MAGEA11: variants seen among roughly 807,000 people sequenced by gnomAD.
The protein encoded by MAGEA11 is melanoma-associated antigen 11.
MAGEA11 carries 1 observed loss-of-function variant against 8.4 expected under a neutral mutation model. That is an observed-to-expected ratio of 0.12 (90% confidence interval 0.04 to 0.57). The LOEUF is 0.57. Ranked by LOEUF, MAGEA11 falls within the 20% of genes least tolerant of loss-of-function variation. The pLI, the probability that MAGEA11 is intolerant of heterozygous loss-of-function variation, is 0.91. For synonymous variants in MAGEA11, 127 were observed against 119.3 expected (o/e 1.06, Z -0.42); for missense variants, 209 against 317.3 (o/e 0.66, Z 2.59).
At chrX:149,706,292 G>A (rs781935654) in intron 1 of MAGEA11, among the ~76,000 whole-genome samples, 1 of 112,139 alleles carries the variant, frequency 8.9e-6, no homozygotes, top group Non-Finnish European at 1.9e-5. Flanking sequence ...AGACCTCACA[G>A]TGGGTTTCAC....
intron 1 of MAGEA11, among the ~76,000 whole-genome samples, chrX:149,693,799 A>G (rs2090319901): frequency 8.9e-6 from 1 of 111,993 alleles, no homozygotes; most frequent in African/African-American, 3.2e-5. Context: ...GGAACTTCAT[A>G]ATAATGTAAT....
At chrX:149,709,925 A>G (rs1438921187), upstream of MAGEA11, among the ~76,000 whole-genome samples, 2 of 111,944 alleles carry the variant, frequency 1.8e-5, no homozygotes, top group African/African-American at 3.3e-5. Flanking sequence ...TATCATTGCT[A>G]TTTTTCAAAG....
chrX:149,697,640 C>T (rs1412486028), intron 1 of MAGEA11, among the ~76,000 whole-genome samples: 1 of 110,408 alleles, frequency 9.1e-6, no homozygotes, highest in African/African-American at 3.3e-5. Flanking sequence ...TTCAGGACTC[C>T]TGGCTGGCTT....
At chrX:149,690,529 C>T (rs187453489) in intron 1 of MAGEA11, among the ~76,000 whole-genome samples, 28 of 112,273 alleles carry the variant, frequency 2.5e-4, no homozygotes, top group Non-Finnish European at 5.3e-4. Flanking sequence ...TAAAAACCAA[C>T]GGTATACTTC....
In MAGEA11 at chrX:149,705,947, G is replaced by A. The variant is rs146322084; in HGVS notation, c.10-8534G>A. Reference sequence around the variant, plus strand: ...CCTAGAGTTAGCATTCTCCCCATCCGTCGTTTCTCTCCAACAAAGGGCACT... The same window carrying A: ...CCTAGAGTTAGCATTCTCCCCATCCATCGTTTCTCTCCAACAAAGGGCACT... On this transcript the variant is annotated intron_variant, in intron 1 of 3. Transcript: ENST00000333104. 8.6e-3 allele frequency among the ~76,000 whole-genome samples: 962 copies of A among 111,965 alleles called. 10 individuals are homozygous for A. Among genetic ancestry groups the A allele is most frequent in the African/African-American group, 0.022 (663 of 30,835 alleles).
At chrX:149,714,203 C>G in intron 2 of MAGEA11, 1 of 323,988 alleles carries the variant, frequency 3.1e-6, no homozygotes, top group Non-Finnish European at 5.4e-6. Flanking sequence ...GACCTCATCA[C>G]GGGTGGCCCC....
At chrX:149,701,508 T>C (rs1256416858) in intron 1 of MAGEA11, among the ~76,000 whole-genome samples, 3 of 108,700 alleles carry the variant, frequency 2.8e-5, no homozygotes, top group East Asian at 2.9e-4. Flanking sequence ...TTCTCCCATT[T>C]TGTAGGTTGC....
At chrX:149,695,570 A>G (rs782341078) in intron 1 of MAGEA11, among the ~76,000 whole-genome samples, 2 of 112,279 alleles carry the variant, frequency 1.8e-5, no homozygotes, top group East Asian at 2.8e-4. Flanking sequence ...ATGACAAACC[A>G]TTAAAAATGA....
Position 149,716,784 on chromosome X carries a change from A to T in MAGEA11, c.*8A>T. On this transcript the variant is annotated 3_prime_UTR_variant, in exon 5 of 5. Transcript: ENST00000355220. ...GAGGGAGAGGGAGTCTGAGCATGAG[A>T]TGCAACCAGGGCCAGCGGGCAGGGA... The T allele has an allele frequency of 8.5e-7, 1 of 1,182,190 alleles. No individual in the cohort carries two copies. The highest frequency in any genetic ancestry group is 1.1e-6 in the Non-Finnish European group (1 of 879,658).
At chrX:149,707,661 A>G (rs1380794065), upstream of MAGEA11, among the ~76,000 whole-genome samples, 7 of 112,195 alleles carry the variant, frequency 6.2e-5, no homozygotes, top group Admixed American at 5.7e-4. Context: ...GTATCCTCTA[A>G]TAAAAAACGA....
chrX:149,714,221 A>G lies in MAGEA11; in HGVS notation c.97-260A>G, dbSNP rs1444188305. On this transcript the variant is annotated intron_variant, in intron 2 of 4. Coordinates refer to ENST00000355220, the MANE Select transcript of MAGEA11 (RefSeq NM_005366.5). ...CTCATCACGGGTGGCCCCAAGTGGC[A>G]AGGTCACTTGTACCACAGGCAGAAA... 5 of 362,596 alleles carry G rather than the reference A, an allele frequency of 1.4e-5. No individual in the cohort carries two copies. The Admixed American group carries it at 2.3e-4, about 17-fold the overall frequency. The allele number at this position is 362,596 out of a possible 1,213,427, so 29.9% of individuals were successfully genotyped here.
At chrX:149,692,391 A>G (rs1242817482) in intron 1 of MAGEA11, among the ~76,000 whole-genome samples, 1 of 109,199 alleles carries the variant, frequency 9.2e-6, no homozygotes, top group Non-Finnish European at 1.9e-5. Context: ...TGGGCACCAG[A>G]GTGAGACCCT....
chrX:149,697,425 C>T (rs1472106639), intron 1 of MAGEA11, among the ~76,000 whole-genome samples: 2 of 111,137 alleles, frequency 1.8e-5, no homozygotes, highest in African/African-American at 3.3e-5. Context: ...CCCAGGCCAG[C>T]GGCAGCCCCA....
At chrX:149,694,743 C>T (rs1476238797) in intron 1 of MAGEA11, among the ~76,000 whole-genome samples, 1 of 109,243 alleles carries the variant, frequency 9.2e-6, no homozygotes, top group African/African-American at 3.3e-5. Flanking sequence ...TTTATTTCGA[C>T]AAAGTGTCAC....
chrX:149,691,247 T>TA (rs782741416), intron 1 of MAGEA11, among the ~76,000 whole-genome samples: 1 of 111,576 alleles, frequency 9.0e-6, no homozygotes, highest in South Asian at 3.8e-4. Context: ...AGTATTTTTT[T>TA]ATCCCTCATT....
intron 1 of MAGEA11, among the ~76,000 whole-genome samples, chrX:149,706,431 CGAGGT>C (rs782716738): frequency 6.4e-4 from 71 of 111,572 alleles, no homozygotes; most frequent in Non-Finnish European, 8.7e-4. Flanking sequence ...GGCGCCTTAA[CGAGGT>C]GATTAGTTTA....
At chrX:149,714,278 G>T (rs782740170) in intron 2 of MAGEA11, 19 of 537,240 alleles carry the variant, frequency 3.5e-5, no homozygotes, top group Middle Eastern at 6.0e-4. Flanking sequence ...TGAGGTCTTG[G>T]TGTAAAGGGA....
At chrX:149,698,098 C>T (rs1233619216) in intron 1 of MAGEA11, among the ~76,000 whole-genome samples, 8 of 112,037 alleles carry the variant, frequency 7.1e-5, no homozygotes, top group Non-Finnish European at 1.3e-4. Flanking sequence ...CAAATACAAT[C>T]AATGTCATCT....
rs1557362502 is a variant in MAGEA11, at chrX:149,716,246, A to G, written c.760A>G (p.Lys254Glu). ...TKAEMLGSVI[K>E]NYEDYFPEIF... The stretch of plus-strand genomic sequence containing the variant: ...GGCAGAAATGCTGGGGAGTGTCATC[A>G]AAAATTATGAGGACTACTTTCCTGA... Residue 254 changes from lysine to glutamate, a missense_variant, in exon 5 of 5, where the codon AAA (lysine) becomes GAA (glutamate). Physicochemically the swap from Lys to Glu is moderately conservative, Grantham distance 56 (BLOSUM62 1). Coordinates refer to ENST00000355220, the MANE Select transcript of MAGEA11 (RefSeq NM_005366.5). 8.3e-7 allele frequency: 1 copy of G among 1,211,965 alleles called. No individual in the cohort carries two copies. Among genetic ancestry groups the G allele is most frequent in the East Asian group, 3.0e-5 (1 of 33,842 alleles).
Sources: allele counts gnomAD v4.1 joint callset (sites outside exome capture counted in the v4.1 genomes callset), GRCh38; gene constraint gnomAD v4.1.1; transcripts MANE v1.5; gene names NCBI Gene and HGNC (gene_info 2026-07-23, HGNC 2026-07-21).